NFIL3: variants seen among roughly 807,000 people sequenced by gnomAD.
NFIL3 encodes the protein nuclear factor interleukin-3-regulated protein.
In NFIL3, 5 loss-of-function variants were observed where a neutral mutation model predicts 10.0. The ratio of observed to expected loss-of-function variants is 0.50; its 90% CI spans 0.26 to 1.06. NFIL3 has a LOEUF of 1.06. Ranked by LOEUF, NFIL3 falls within the 50% of genes least tolerant of loss-of-function variation. NFIL3 has a pLI of 0.13. For missense variants in NFIL3, 436 were observed against 547.6 expected (o/e 0.80, Z 2.03); for synonymous variants, 202 against 206.5 (o/e 0.98, Z 0.19).
the NFIL3 span, among the ~76,000 whole-genome samples, chr9:91,474,417 C>A: frequency 2.0e-5 from 3 of 151,796 alleles, no homozygotes; most frequent in East Asian, 1.9e-4. Flanking sequence ...GTTTTTCTAC[C>A]CTGGCACTAG....
At chr9:91,436,888 C>A in the NFIL3 span, among the ~76,000 whole-genome samples, 1 of 151,938 alleles carries the variant, frequency 6.6e-6, no homozygotes, top group South Asian at 2.1e-4. Flanking sequence ...AGTCCCCAAC[C>A]TTTTTTGGCA....
At chr9:91,418,840 G>A (rs1587966444) in intron 1 of NFIL3, among the ~76,000 whole-genome samples, 1 of 119,710 alleles carries the variant, frequency 8.4e-6, no homozygotes, top group East Asian at 2.2e-4. Flanking sequence ...AGCCATATGA[G>A]AAACAGTTTT....
chr9:91,478,329 T>C, the NFIL3 span, among the ~76,000 whole-genome samples: 1 of 152,158 alleles, frequency 6.6e-6, no homozygotes, highest in African/African-American at 2.4e-5. Flanking sequence ...CCCATATTTC[T>C]TGGAGGCTTT....
chr9:91,435,276 T>A, the NFIL3 span, among the ~76,000 whole-genome samples: 11 of 152,222 alleles, frequency 7.2e-5, no homozygotes, highest in Admixed American at 5.2e-4. Flanking sequence ...AATAATACAA[T>A]CATCAGGCCC....
chr9:91,454,588 T>C, the NFIL3 span, among the ~76,000 whole-genome samples: 4 of 152,192 alleles, frequency 2.6e-5, no homozygotes, highest in African/African-American at 7.2e-5. Context: ...TCCCAGCACT[T>C]TGGGAGGCTG....
At chr9:91,454,115 T>G in the NFIL3 span, among the ~76,000 whole-genome samples, 3 of 151,038 alleles carry the variant, frequency 2.0e-5, no homozygotes, top group Non-Finnish European at 4.4e-5. Context: ...ATGCCTGTAG[T>G]CCCAGCTACT....
the NFIL3 span, among the ~76,000 whole-genome samples, chr9:91,458,849 C>G: frequency 6.6e-6 from 1 of 151,948 alleles, no homozygotes; most frequent in Non-Finnish European, 1.5e-5. Context: ...TTCTTGGTGT[C>G]AAGAAAATTA....
the NFIL3 span, among the ~76,000 whole-genome samples, chr9:91,470,410 A>ATTATTCTCTCTT: frequency 3.7e-5 from 1 of 26,712 alleles, no homozygotes; most frequent in African/African-American, 4.0e-4. Flanking sequence ...TGTCTATTTG[A>ATTATTCTCTCTT]TTCTTCTCTA....
intron 1 of NFIL3, among the ~76,000 whole-genome samples, chr9:91,412,376 C>T (rs927738630): frequency 6.6e-6 from 1 of 152,032 alleles, no homozygotes; most frequent in African/African-American, 2.4e-5. Flanking sequence ...TAATAAAATC[C>T]ATGTTATGTT....
intron 1 of NFIL3, among the ~76,000 whole-genome samples, chr9:91,418,251 T>A (rs1218420595): frequency 1.3e-5 from 2 of 152,206 alleles, no homozygotes; most frequent in South Asian, 2.1e-4. Context: ...AATAATTTTT[T>A]AAAAATCTAT....
the NFIL3 span, among the ~76,000 whole-genome samples, chr9:91,452,268 C>T: frequency 1.3e-5 from 2 of 152,350 alleles, no homozygotes; most frequent in African/African-American, 4.8e-5. Flanking sequence ...ACTTTAGTCT[C>T]CACAACACCT....
the NFIL3 span, among the ~76,000 whole-genome samples, chr9:91,483,395 C>T: frequency 6.6e-6 from 1 of 152,176 alleles, no homozygotes. Context: ...CCGGGAAATA[C>T]CCACATTTCT....
At chr9:91,462,417 G>T in the NFIL3 span, among the ~76,000 whole-genome samples, 1 of 152,022 alleles carries the variant, frequency 6.6e-6, no homozygotes, top group Admixed American at 6.6e-5. Context: ...AATGGTGTTA[G>T]ATTTTGTCAA....
At chr9:91,422,602 G>A (rs1833790586) in intron 1 of NFIL3, among the ~76,000 whole-genome samples, 1 of 152,146 alleles carries the variant, frequency 6.6e-6, no homozygotes. Context: ...GTTACATAAT[G>A]CAACATTTCC....
At chr9:91,433,512 A>T in the NFIL3 span, among the ~76,000 whole-genome samples, 48 of 152,370 alleles carry the variant, frequency 3.2e-4, no homozygotes, top group African/African-American at 1.1e-3. Flanking sequence ...GCTAACTGAC[A>T]TCATTCTGGC....
chr9:91,453,950 A>G, the NFIL3 span, among the ~76,000 whole-genome samples: 1 of 151,954 alleles, frequency 6.6e-6, no homozygotes, highest in Admixed American at 6.6e-5. Flanking sequence ...CATCACAACT[A>G]AGGTCAGGCA....
At chr9:91,414,056 T>C (rs1290453793) in intron 1 of NFIL3, among the ~76,000 whole-genome samples, 2 of 152,200 alleles carry the variant, frequency 1.3e-5, no homozygotes, top group African/African-American at 4.8e-5. Flanking sequence ...GGAAGGAGCC[T>C]TCACAATAGG....
At chr9:91,461,301 T>A in the NFIL3 span, among the ~76,000 whole-genome samples, 1 of 152,194 alleles carries the variant, frequency 6.6e-6, no homozygotes, top group African/African-American at 2.4e-5. Context: ...CTTCTTAAAA[T>A]TTTTTTAACT....
chr9:91,409,150 G>T lies in NFIL3; in HGVS notation c.*196C>A. On this transcript the variant is annotated 3_prime_UTR_variant, in exon 2 of 2. Coordinates refer to ENST00000297689, the MANE Select transcript of NFIL3 (RefSeq NM_005384.3). ...TATACAGCCTTCGCATGGACTATCT[G>T]ACTATACACAGGCAGAGTGATAACA... is the stretch of plus-strand genomic sequence containing the variant. 1 of 555,698 alleles carries T rather than the reference G, an allele frequency of 1.8e-6. No individual in the cohort carries two copies. The highest frequency in any genetic ancestry group is 3.1e-6 in the Non-Finnish European group (1 of 322,920). 34.4% of individuals were successfully genotyped at this position (555,698 alleles called of 1,614,324 possible).
Sources: allele counts gnomAD v4.1 joint callset (sites outside exome capture counted in the v4.1 genomes callset), GRCh38; gene constraint gnomAD v4.1.1; transcripts MANE v1.5; gene names NCBI Gene and HGNC (gene_info 2026-07-23, HGNC 2026-07-21).